Variants in BEAN1 observed in about 807,000 individuals in gnomAD.
BEAN1 encodes protein BEAN1.
A neutral mutation model predicts 17.7 loss-of-function variants in BEAN1; 17 were observed. The observed-to-expected ratio is 0.96, with a 90% CI of 0.66 to 1.44. The LOEUF (loss-of-function observed/expected upper bound fraction) is 1.44. Among genes scored for constraint, BEAN1 ranks in the 40% most tolerant of loss-of-function variants. BEAN1 has a pLI of 0.00. For synonymous variants in BEAN1, 142 were observed against 151.8 expected (o/e 0.94, Z 0.47); for missense variants, 359 against 374.1 (o/e 0.96, Z 0.33).
chr16:66,439,585 A>T (rs1351500425), intron 2 of BEAN1, among the ~76,000 whole-genome samples: 1 of 149,930 alleles, frequency 6.7e-6, no homozygotes, highest in Non-Finnish European at 1.5e-5. Context: ...AGCCCTCTGC[A>T]TATCCACCTC....
In BEAN1 at chr16:66,482,076, G is replaced by A. The variant is rs960230878; in HGVS notation, c.*1151G>A. The A allele has an allele frequency of 6.6e-6, 1 of 152,288 alleles. No homozygotes were observed. Among genetic ancestry groups the A allele is most frequent in the Non-Finnish European group, 1.5e-5 (1 of 68,080 alleles). The allele number at this position is 152,288 out of a possible 1,614,324, so 9.4% of individuals were successfully genotyped here. On this transcript the variant is annotated 3_prime_UTR_variant, in exon 5 of 5. Transcript: ENST00000536005. ...TTGCTGCCACAGAAGGGGATTTGTA[G>A]GGTCAGCCTGGCTGCAGAAAGGCTG... is the stretch of plus-strand genomic sequence containing the variant.
At chr16:66,488,147 G>A (rs1224087906) in intron 4 of BEAN1, among the ~76,000 whole-genome samples, 1 of 150,562 alleles carries the variant, frequency 6.6e-6, no homozygotes, top group Non-Finnish European at 1.5e-5. Flanking sequence ...CCCATGAGGG[G>A]AATGGAGGAC....
At chr16:66,433,519 C>T (rs1462700953) in intron 1 of BEAN1, among the ~76,000 whole-genome samples, 30 of 152,194 alleles carry the variant, frequency 2.0e-4, no homozygotes, top group Admixed American at 2.0e-3. Flanking sequence ...GCCTCCCAAG[C>T]TCCCTGCCTC....
In BEAN1 at chr16:66,469,806, A is replaced by G; in HGVS notation, c.230A>G (p.His77Arg). ...LQRHRHRHHR[H>R]HHHHHHHRRR... is the part of the protein sequence containing the mutation. Reference sequence around the variant, plus strand: ...CGGCACCGCCACCGCCACCACCGCCACCACCACCACCATCATCACCACCGC... The same window carrying G: ...CGGCACCGCCACCGCCACCACCGCCGCCACCACCACCATCATCACCACCGC... The change falls in exon 3 of 5, where the codon CAC (histidine) becomes CGC (arginine). Residue 77 changes from histidine (H) to arginine (R), a missense_variant. Coordinates refer to ENST00000536005, the MANE Select transcript of BEAN1 (RefSeq NM_001178020.3). The G allele has an allele frequency of 2.6e-6, 4 of 1,515,534 alleles. No homozygotes were observed. The highest frequency in any genetic ancestry group is 3.4e-4 in the Middle Eastern group (2 of 5,824). The allele number at this position is 1,515,534 out of a possible 1,614,324, so 93.9% of individuals were successfully genotyped here. A position where few individuals can be genotyped will look rare whatever the true frequency, so the allele number is the denominator to read the frequency against.
chr16:66,472,300 C>T (rs149464193), intron 3 of BEAN1, among the ~76,000 whole-genome samples: 1 of 152,372 alleles, frequency 6.6e-6, no homozygotes, highest in African/African-American at 2.4e-5. Context: ...GCAGGGCCCA[C>T]AGGTGACTCG....
intron 2 of BEAN1, among the ~76,000 whole-genome samples, chr16:66,448,368 A>G (rs1046556259): frequency 1.3e-5 from 2 of 152,206 alleles, no homozygotes; most frequent in African/African-American, 4.8e-5. Flanking sequence ...AAAATGACAA[A>G]CGGTACAAAT....
downstream of BEAN1, among the ~76,000 whole-genome samples, chr16:66,486,446 G>T (rs529636202): frequency 2.8e-4 from 43 of 152,160 alleles, no homozygotes; most frequent in South Asian, 1.7e-3. Context: ...GTAGAGACGG[G>T]GTCTCACCAT....
intron 1 of BEAN1, chr16:66,428,353 A>G (rs1961662617): frequency 6.6e-6 from 1 of 152,318 alleles, no homozygotes; most frequent in Non-Finnish European, 1.5e-5. Flanking sequence ...TGTGAGAGGC[A>G]GGGGTTCAGG....
chr16:66,446,491 G>A (rs191397118), intron 2 of BEAN1, among the ~76,000 whole-genome samples: 9 of 152,270 alleles, frequency 5.9e-5, no homozygotes, highest in Non-Finnish European at 1.0e-4. Flanking sequence ...CTTTGCAGGC[G>A]TTGGAGTGGA....
chr16:66,475,170 G>A (rs2142450488), intron 3 of BEAN1, among the ~76,000 whole-genome samples: 1 of 152,328 alleles, frequency 6.6e-6, no homozygotes, highest in South Asian at 2.1e-4. Flanking sequence ...GGGAAGTCAG[G>A]AGAGAAGGGA....
chr16:66,474,614 G>GAGAGAGGGAGGGAGGGAGGGAGGGAGGA (rs1382666141), intron 3 of BEAN1, among the ~76,000 whole-genome samples: 1 of 14,280 alleles, frequency 7.0e-5, no homozygotes, highest in African/African-American at 1.9e-4. Flanking sequence ...GAGAGGGAGG[G>GAGAGAGGGAGGGAGGGAGGGAGGGAGGA]AGGAAGGGAG....
chr16:66,437,836 TG>T, intron 2 of BEAN1, 135 bp downstream of exon 2: 1 of 1,200,408 alleles, frequency 8.3e-7, no homozygotes, highest in Non-Finnish European at 1.2e-6. Flanking sequence ...TGTGGCATGC[TG>T]GGTGGGGAGA....
intron 1 of BEAN1, 51 bp from the exon 2 acceptor site, chr16:66,437,544 C>A (rs11075633): frequency 0.45 from 479,969 of 1,075,792 alleles, 111,186 homozygotes; most frequent in Non-Finnish European, 0.49. Context: ...CCTGCAGGGG[C>A]TGTGGGTGCG....
chr16:66,479,558 A>C (rs1963906251), intron 4 of BEAN1, among the ~76,000 whole-genome samples: 1 of 152,060 alleles, frequency 6.6e-6, no homozygotes, highest in Admixed American at 6.5e-5. Context: ...ACACACACAC[A>C]CATACATGCA....
At chr16:66,469,474 C>T (rs933665491) in intron 2 of BEAN1, 128 bp from the exon 3 acceptor site, 18 of 1,166,388 alleles carry the variant, frequency 1.5e-5, no homozygotes, top group African/African-American at 1.2e-4. Flanking sequence ...GGATAGAGTC[C>T]GTGGGCCTGA....
At chr16:66,464,816 T>G (rs1963207949) in intron 2 of BEAN1, among the ~76,000 whole-genome samples, 2 of 152,354 alleles carry the variant, frequency 1.3e-5, no homozygotes, top group South Asian at 4.1e-4. Flanking sequence ...CCTTAGGATT[T>G]TTTATATACA....
intron 2 of BEAN1, among the ~76,000 whole-genome samples, chr16:66,450,291 C>T (rs537750067): frequency 6.6e-6 from 1 of 152,270 alleles, no homozygotes; most frequent in East Asian, 1.9e-4. Context: ...AGCACTTTCC[C>T]TTTGTCTGAC....
chr16:66,457,785 C>CAAAAAAAA (rs60561438), intron 2 of BEAN1, among the ~76,000 whole-genome samples: 1 of 137,458 alleles, frequency 7.3e-6, no homozygotes, highest in Non-Finnish European at 1.6e-5. Context: ...AAAAGTTGCC[C>CAAAAAAAA]AAAAAAAAAA....
intron 2 of BEAN1, among the ~76,000 whole-genome samples, chr16:66,444,641 G>A (rs1252245348): frequency 6.6e-6 from 1 of 152,208 alleles, no homozygotes; most frequent in Non-Finnish European, 1.5e-5. Context: ...AACTGGAGCT[G>A]TGTTTTGGAG....
Sources: allele counts gnomAD v4.1 joint callset (sites outside exome capture counted in the v4.1 genomes callset), GRCh38; gene constraint gnomAD v4.1.1; transcripts MANE v1.5; gene names NCBI Gene and HGNC (gene_info 2026-07-23, HGNC 2026-07-21).